The following DOCK9 variants were observed in gnomAD, a reference collection of about 807,000 sequenced individuals.
The protein encoded by DOCK9 is dedicator of cytokinesis 9, also known as dedicator of cytokinesis protein 9.
A neutral mutation model predicts 263.3 loss-of-function variants in DOCK9; 89 were observed. That is an observed-to-expected ratio of 0.34 (90% CI 0.28 to 0.40). The LOEUF is 0.40. DOCK9 is among the 10% of genes least tolerant of loss of function. The pLI is 1.00. For synonymous variants in DOCK9, 976 were observed against 973.1 expected (o/e 1.00, Z -0.06); for missense variants, 2,140 against 2,603.4 (o/e 0.82, Z 3.87).
At chr13:99,057,711 T>C (rs2040989604) in intron 1 of DOCK9, among the ~76,000 whole-genome samples, 1 of 152,076 alleles carries the variant, frequency 6.6e-6, no homozygotes, top group Non-Finnish European at 1.5e-5. Context: ...ACAATAACAA[T>C]CCCTTCCTTA....
At chr13:98,970,449 T>G (rs570461622) in intron 1 of DOCK9, among the ~76,000 whole-genome samples, 1 of 152,228 alleles carries the variant, frequency 6.6e-6, no homozygotes, top group Admixed American at 6.5e-5. Context: ...CTGTCTGATA[T>G]GCAATGCAGT....
At chr13:98,810,724 T>G (rs2091224424) in intron 45 of DOCK9, among the ~76,000 whole-genome samples, 1 of 152,156 alleles carries the variant, frequency 6.6e-6, no homozygotes, top group Non-Finnish European at 1.5e-5. Context: ...AGGGATTTAG[T>G]GATGGAGTGT....
chr13:98,795,803 G>A (rs2089306254), intron 52 of DOCK9, among the ~76,000 whole-genome samples: 2 of 150,718 alleles, frequency 1.3e-5, no homozygotes, highest in Admixed American at 1.3e-4. Flanking sequence ...CTGTGGCCCA[G>A]GCTAGAGGGT....
chr13:99,026,145 G>A (rs1196229889), intron 1 of DOCK9, among the ~76,000 whole-genome samples: 1 of 151,910 alleles, frequency 6.6e-6, no homozygotes, highest in Non-Finnish European at 1.5e-5. Flanking sequence ...GTTCCGGGGT[G>A]ATGGCTAAGG....
chr13:98,931,159 C>G (rs912683), intron 2 of DOCK9, among the ~76,000 whole-genome samples: 96,106 of 151,846 alleles, frequency 0.63, 31,104 homozygotes, highest in Middle Eastern at 0.77. Context: ...TCCCCTCCAA[C>G]GGACATTAGA....
intron 1 of DOCK9, among the ~76,000 whole-genome samples, chr13:98,999,316 A>ACACACTCTCTCTCTCTCT: frequency 7.2e-5 from 10 of 138,370 alleles, no homozygotes; most frequent in African/African-American, 2.8e-4. Flanking sequence ...ACACACACAC[A>ACACACTCTCTCTCTCTCT]CTCTCTCTCT....
chr13:99,021,587 C>CTTGCAGT (rs1566312667), intron 1 of DOCK9, among the ~76,000 whole-genome samples: 4 of 144,652 alleles, frequency 2.8e-5, no homozygotes, highest in Non-Finnish European at 4.5e-5. Context: ...TGCAGTGAGC[C>CTTGCAGT]GAGATCGCGC....
rs1483051962 is a variant in DOCK9, at chr13:98,977,779, C to T, written c.126+5G>A. 6.2e-7 allele frequency: 1 copy of T among 1,611,658 alleles called. No homozygotes were observed. The highest frequency in any genetic ancestry group is 8.5e-7 in the Non-Finnish European group (1 of 1,179,134). On this transcript the variant is annotated splice_donor_5th_base_variant and intron_variant, in intron 1 of 52. Coordinates refer to ENST00000682017, the MANE Select transcript of DOCK9 (RefSeq NM_001366683.2). ...ACAGCAACACTTTGTACGAGACCCT[C>T]TTACCGGCACAGGGCCCGGGCTCTC...
chr13:99,021,818 G>C (rs1031691111), intron 1 of DOCK9, among the ~76,000 whole-genome samples: 3 of 152,036 alleles, frequency 2.0e-5, no homozygotes, highest in Non-Finnish European at 2.9e-5. Context: ...GTCAAGGGGT[G>C]GGGGACAAGG....
At chr13:98,796,272 G>A (rs1594068282) in intron 52 of DOCK9, 10 of 1,449,656 alleles carry the variant, frequency 6.9e-6, no homozygotes, top group Non-Finnish European at 8.6e-6. Context: ...ACACACTGAC[G>A]TTCGTTTCCT....
At chr13:98,955,000 T>G (rs562140108) in intron 2 of DOCK9, among the ~76,000 whole-genome samples, 114 of 152,280 alleles carry the variant, frequency 7.5e-4, no homozygotes, top group African/African-American at 2.5e-3. Context: ...CTTTCTTAAA[T>G]AACATCTTAT....
chr13:98,937,227 C>T (rs553979944), intron 2 of DOCK9, among the ~76,000 whole-genome samples: 1 of 152,266 alleles, frequency 6.6e-6, no homozygotes, highest in African/African-American at 2.4e-5. Flanking sequence ...AAACATTTCA[C>T]ACCATAATTA....
At chr13:98,943,728 CA>C (rs1270154358) in intron 2 of DOCK9, among the ~76,000 whole-genome samples, 2 of 151,792 alleles carry the variant, frequency 1.3e-5, no homozygotes, top group Non-Finnish European at 2.9e-5. Flanking sequence ...CATGAATTTT[CA>C]AAAAACTATG....
chr13:98,900,006 C>T (rs2048033818), intron 13 of DOCK9, among the ~76,000 whole-genome samples: 1 of 152,160 alleles, frequency 6.6e-6, no homozygotes, highest in African/African-American at 2.4e-5. Flanking sequence ...GAAGAAACAA[C>T]TTTGACAGAC....
intron 1 of DOCK9, among the ~76,000 whole-genome samples, chr13:99,064,215 A>G (rs1222512396): frequency 6.6e-6 from 1 of 152,192 alleles, no homozygotes; most frequent in Non-Finnish European, 1.5e-5. Context: ...GCAAGTCCCC[A>G]TTTTCTATGG....
chr13:99,013,354 ATCC>A (rs1884842059), intron 1 of DOCK9, among the ~76,000 whole-genome samples: 1 of 152,156 alleles, frequency 6.6e-6, no homozygotes, highest in African/African-American at 2.4e-5. Context: ...GCCTCAAGCA[ATCC>A]TCCTGCCTTG....
upstream of DOCK9, among the ~76,000 whole-genome samples, chr13:98,979,180 A>ATAGTAGTAG (rs56125832): frequency 0.039 from 5,186 of 132,692 alleles, 139 homozygotes; most frequent in South Asian, 0.058. Context: ...AGCAGCAGCA[A>ATAGTAGTAG]TAGTAGTAGT....
intron 15 of DOCK9, among the ~76,000 whole-genome samples, chr13:98,896,833 A>G (rs1324956014): frequency 6.6e-6 from 1 of 152,210 alleles, no homozygotes; most frequent in Non-Finnish European, 1.5e-5. Flanking sequence ...AGCATGGTGA[A>G]GTCCCAACCC....
At chr13:99,032,889 T>C (rs1210677653) in intron 1 of DOCK9, among the ~76,000 whole-genome samples, 1 of 152,066 alleles carries the variant, frequency 6.6e-6, no homozygotes, top group Non-Finnish European at 1.5e-5. Context: ...AAATCAGGAG[T>C]AGTGAGGTTA....
Sources: gnomAD v4.1 joint callset for allele counts (sites outside exome capture counted in the v4.1 genomes callset) on GRCh38, gnomAD v4.1.1 for gene constraint, MANE v1.5 for transcripts, NCBI Gene and HGNC (gene_info 2026-07-23, HGNC 2026-07-21) for gene names.